DISP3: variants seen among roughly 807,000 people sequenced by gnomAD.
DISP3 encodes dispatched RND transporter family member 3, also known as protein dispatched homolog 3.
Under a neutral mutation model 135.3 loss-of-function variants are expected in DISP3, and 101 were observed. The observed-to-expected ratio is 0.75, with a 90% CI of 0.64 to 0.88. The LOEUF (loss-of-function observed/expected upper bound fraction) is 0.88. Among genes scored for constraint, DISP3 ranks in the 40% least tolerant of loss-of-function variants. The pLI is 0.00. For synonymous variants in DISP3, 856 were observed against 817.0 expected (o/e 1.05, Z -0.81); for missense variants, 1,713 against 1,878.6 (o/e 0.91, Z 1.63).
intron 13 of DISP3, among the ~76,000 whole-genome samples, chr1:11,528,519 C>T (rs1393212271): frequency 1.3e-5 from 2 of 152,204 alleles, no homozygotes; most frequent in Admixed American, 6.5e-5. Context: ...CTCCTGCCCT[C>T]GAGCTGTCTA....
Position 11,501,399 on chromosome 1 carries a change from A to G in DISP3, c.407A>G (p.Asn136Ser). The change falls in exon 2 of 21, where the codon AAC becomes AGC. Residue 136 changes from asparagine (N) to serine (S), a missense_variant. By Grantham distance (46) the Asn-to-Ser change is conservative. Transcript: ENST00000294484. This position sits in a 1 kb window ranked among gnomAD's most constrained non-coding sequence, Gnocchi z 4.9. ...LKSQFGSWGR[N>S]RRDLADFTSE... is the part of the protein sequence containing the mutation. ...TCCCAGTTTGGATCCTGGGGGCGGA[A>G]CCGGCGCGATTTGGCCGACTTCACC... 6.2e-7 allele frequency: 1 copy of G among 1,600,728 alleles called. No individual in the cohort carries two copies.
At position 11,530,965 on chromosome 1, in the gene DISP3, A is replaced by G. The variant is rs746620092; in HGVS notation, c.3161A>G (p.His1054Arg). The G allele has an allele frequency of 6.2e-7, 1 of 1,613,866 alleles. No homozygotes were observed. The stretch of plus-strand genomic sequence containing the variant: ...TTCAAGGAAATTGGGCACCTGTGTC[A>G]CCTCTGCAAGGCCATCGCAGCCAAC... ...DLFKEIGHLC[H>R]LCKAIAANSE... The change falls in exon 16 of 21, where the codon CAC (histidine) becomes CGC (arginine). Residue 1054 changes from histidine (H) to arginine (R), a missense_variant. Transcript: ENST00000294484.
rs561784193 is a variant in DISP3 at position 11,525,736 on chromosome 1, G to A, written c.2613+424G>A. ...CTTGCTGTCCTTGGTAGCTGCTCCA[G>A]CGCTGCAGAAAGGAGTCCCCGAGCC... On this transcript the variant is annotated intron_variant, in intron 12 of 20. Coordinates refer to ENST00000294484, the MANE Select transcript of DISP3 (RefSeq NM_020780.2). Among the ~76,000 whole-genome samples, 4 of 152,300 alleles carry A rather than the reference G, an allele frequency of 2.6e-5. No individual in the cohort carries two copies. In the East Asian group the frequency reaches 7.7e-4, roughly 29 times the overall value.
rs1641375556 is a variant in DISP3, at chr1:11,497,680, A to G, written c.-3-3310A>G. 2.6e-5 allele frequency among the ~76,000 whole-genome samples: 4 copies of G among 152,048 alleles called. No homozygotes were observed. The South Asian group carries it at 8.3e-4, about 32-fold the overall frequency. On this transcript the variant is annotated intron_variant, in intron 1 of 20. Transcript: ENST00000294484. ...CGGGATTACAGGCATGAGCCACCGCACCCGGCCCATTGTATCATTCTTATG... is the reference window on the plus strand; with the variant it reads ...CGGGATTACAGGCATGAGCCACCGCGCCCGGCCCATTGTATCATTCTTATG...
intron 18 of DISP3, 86 bp downstream of exon 18, chr1:11,534,626 C>T (rs1319872086): frequency 1.4e-6 from 2 of 1,477,794 alleles, no homozygotes; most frequent in Non-Finnish European, 1.8e-6. Context: ...GCCTGAGTCA[C>T]AATCTCCATC....
At position 11,514,466 on chromosome 1, in the gene DISP3, C is replaced by T; in HGVS notation, c.1393C>T (p.Leu465=). The T allele has an allele frequency of 6.2e-7, 1 of 1,614,140 alleles. No individual in the cohort carries two copies. The stretch of plus-strand genomic sequence containing the variant: ...CAGGACGTTCAACAATGACATGCTC[C>T]TGGCCTTCATCAGCAGCAGCTGCAT... ...VRRTFNNDML[L]AFISSSCIAA... Residue 465 remains leucine, a synonymous_variant, in exon 4 of 21, where the codon CTG becomes TTG. Transcript: ENST00000294484.
intron 3 of DISP3, among the ~76,000 whole-genome samples, chr1:11,509,926 C>G (rs1328718572): frequency 6.6e-6 from 1 of 152,022 alleles, no homozygotes; most frequent in Admixed American, 6.6e-5. Flanking sequence ...TGGTGAAACC[C>G]ATGTTACTAA....
At position 11,520,049 on chromosome 1, in the gene DISP3, C is replaced by T. The variant is rs897455092; in HGVS notation, c.2200+169C>T. 3.9e-5 allele frequency among the ~76,000 whole-genome samples: 6 copies of T among 152,192 alleles called. No individual in the cohort carries two copies. The highest frequency in any genetic ancestry group is 1.9e-4 in the East Asian group (1 of 5,194). ...CTGTGCAGAATGAAGCCGGTCATGG[C>T]GGCTGTTACTCATTGGCCCCTGCTG... On this transcript the variant is annotated intron_variant, in intron 9 of 20. Transcript: ENST00000294484. The surrounding 1 kb of genome is among the most constrained non-coding windows in gnomAD (Gnocchi z 4.8).
chr1:11,515,633 G>A, intron 5 of DISP3, 130 bp downstream of exon 5: 2 of 1,347,584 alleles, frequency 1.5e-6, no homozygotes, highest in Non-Finnish European at 2.0e-6. Flanking sequence ...CTAGAGCCTT[G>A]GAGTGCAGGG....
At chr1:11,533,096 T>C (rs1172688917) in intron 17 of DISP3, among the ~76,000 whole-genome samples, 1 of 151,842 alleles carries the variant, frequency 6.6e-6, no homozygotes, top group Non-Finnish European at 1.5e-5. Flanking sequence ...GAACTTTGTC[T>C]TTCCAAACTG....
At chr1:11,508,897 A>G (rs1450831672) in intron 3 of DISP3, among the ~76,000 whole-genome samples, 2 of 152,004 alleles carry the variant, frequency 1.3e-5, no homozygotes, top group East Asian at 1.9e-4. Flanking sequence ...TCTGTTTTCT[A>G]TTTCCTTGAT....
chr1:11,500,904 T>G lies in DISP3; in HGVS notation c.-3-86T>G, dbSNP rs1329701540. 6.9e-6 allele frequency: 10 copies of G among 1,448,186 alleles called. No homozygotes were observed. The African/African-American group carries it at 1.5e-4, about 22-fold the overall frequency. 89.7% of individuals were successfully genotyped at this position (1,448,186 alleles called of 1,614,324 possible). ...GTATTTGGTTATGAGTGGACAGGGT[T>G]GGTACCTAGGGCTGGGCGAACTGCA... On this transcript the variant is annotated intron_variant, in intron 1 of 20. Transcript: ENST00000294484.
In DISP3 at chr1:11,520,958, C is replaced by T. The variant is rs1431478288; in HGVS notation, c.2362+110C>T. The T allele has an allele frequency of 1.6e-6, 2 of 1,261,024 alleles. No homozygotes were observed. Among genetic ancestry groups the T allele is most frequent in the African/African-American group, 1.5e-5 (1 of 66,298 alleles). The allele number at this position is 1,261,024 out of a possible 1,614,324, so 78.1% of individuals were successfully genotyped here. The stretch of plus-strand genomic sequence containing the variant: ...GTCCCCATCAATGCCAGACCTCAGG[C>T]AAATCCCACTCCCCTCTGAGCCCCC... On this transcript the variant is annotated intron_variant, in intron 10 of 20. Transcript: ENST00000294484. This position sits in a 1 kb window ranked among gnomAD's most constrained non-coding sequence, Gnocchi z 4.8.
At chr1:11,480,308 G>A (rs1322517431) in intron 1 of DISP3, among the ~76,000 whole-genome samples, 1 of 152,080 alleles carries the variant, frequency 6.6e-6, no homozygotes, top group Non-Finnish European at 1.5e-5. Context: ...AGAAGCCCGC[G>A]CACACCCACA....
chr1:11,527,366 A>G (rs994633041), intron 13 of DISP3, among the ~76,000 whole-genome samples: 5 of 152,188 alleles, frequency 3.3e-5, no homozygotes, highest in East Asian at 1.9e-4. Context: ...TGGCTAACAC[A>G]GTGAAACTCC....
chr1:11,501,012 CCTTGCTGCAGGAT>C lies in DISP3; in HGVS notation c.21_33del (p.Leu8CysfsTer3). Reference sequence around the variant, plus strand: ...CAGACTATGGACACGGAGGATGACCCCTTGCTGCAGGATGTGTGGCTAGAGGAGGAGCAGGAGG... The same window carrying C: ...CAGACTATGGACACGGAGGATGACCCGTGTGGCTAGAGGAGGAGCAGGAGG... On this transcript the variant is annotated frameshift_variant, in exon 2 of 21. Transcript: ENST00000294484. LOFTEE classifies it high-confidence loss of function. This position sits in a 1 kb window ranked among gnomAD's most constrained non-coding sequence, Gnocchi z 4.9. The C allele has an allele frequency of 6.2e-7, 1 of 1,614,008 alleles. No individual in the cohort carries two copies. Among genetic ancestry groups the C allele is most frequent in the East Asian group, 2.2e-5 (1 of 44,876 alleles).
chr1:11,492,794 G>T (rs1273851179), intron 1 of DISP3, among the ~76,000 whole-genome samples: 1 of 152,180 alleles, frequency 6.6e-6, no homozygotes, highest in Non-Finnish European at 1.5e-5. Flanking sequence ...GGATCTTCTT[G>T]CTGGGGAAAG....
chr1:11,501,995 C>A lies in DISP3; in HGVS notation c.1003C>A (p.Pro335Thr). 6.2e-7 allele frequency: 1 copy of A among 1,613,438 alleles called. No homozygotes were observed. Among genetic ancestry groups the A allele is most frequent in the Non-Finnish European group, 8.5e-7 (1 of 1,179,764 alleles). Residue 335 changes from proline (P) to threonine (T), a missense_variant, in exon 2 of 21, where the codon CCC becomes ACC. Around this residue, in one of 2 missense-constraint regions of DISP3, gnomAD observed 571 missense variants for 494.1 expected, o/e 1.16. Transcript: ENST00000294484. This position sits in a 1 kb window ranked among gnomAD's most constrained non-coding sequence, Gnocchi z 4.9. ...LPLGSYSYCSPPSSLMTYFFP... is the reference protein window; with the variant it reads ...LPLGSYSYCSTPSSLMTYFFP... ...GCTGGGCTCCTACTCCTACTGCTCG[C>A]CCCCCAGCTCGCTCATGACCTACTT...
chr1:11,505,465 G>A (rs959930037), intron 3 of DISP3, among the ~76,000 whole-genome samples: 4 of 152,192 alleles, frequency 2.6e-5, no homozygotes, highest in African/African-American at 9.7e-5. Flanking sequence ...ATGTTTAGCT[G>A]CTGAGACAAA....
Sources: gnomAD v4.1 joint callset for allele counts (sites outside exome capture counted in the v4.1 genomes callset) on GRCh38, gnomAD v4.1.1 for gene constraint, gnomAD v4.1.1 regional missense constraint, Gnocchi (gnomAD v3.1) non-coding constraint, MANE v1.5 for transcripts, NCBI Gene and HGNC (gene_info 2026-07-23, HGNC 2026-07-21) for gene names.